Variants in SLC5A8 observed in about 807,000 individuals in gnomAD.
SLC5A8 encodes the protein sodium-coupled monocarboxylate transporter 1.
SLC5A8 carries 55 observed loss-of-function variants against 71.9 expected under a neutral mutation model. That is an observed-to-expected ratio of 0.77 (90% CI 0.62 to 0.96). The LOEUF is 0.96. Among genes scored for constraint, SLC5A8 ranks in the 40% least tolerant of loss-of-function variants. The probability of loss-of-function intolerance (pLI) is 0.00; values close to 1 mark genes in which losing one functional copy is unlikely to be tolerated. For synonymous variants in SLC5A8, 307 were observed against 276.1 expected (o/e 1.11, Z -1.11); for missense variants, 701 against 745.3 (o/e 0.94, Z 0.69).
intron 3 of SLC5A8, among the ~76,000 whole-genome samples, chr12:101,201,448 T>C (rs562994999): frequency 6.6e-6 from 1 of 152,286 alleles, no homozygotes; most frequent in South Asian, 2.1e-4. Flanking sequence ...CACATGTCCA[T>C]TTTACAAGGA....
chr12:101,165,135 T>G (rs1290517906), intron 12 of SLC5A8, among the ~76,000 whole-genome samples: 1 of 152,202 alleles, frequency 6.6e-6, no homozygotes, highest in Non-Finnish European at 1.5e-5. Flanking sequence ...CCATGGATAC[T>G]AAATAAATGG....
At chr12:101,161,939 G>T (rs1217845768) in intron 13 of SLC5A8, 35 bp downstream of exon 13, 2 of 1,426,354 alleles carry the variant, frequency 1.4e-6, no homozygotes, top group Non-Finnish European at 9.9e-7. Context: ...CTGATATAGA[G>T]GTAAATACAA....
At chr12:101,201,774 C>A (rs1869464265) in intron 3 of SLC5A8, among the ~76,000 whole-genome samples, 1 of 152,094 alleles carries the variant, frequency 6.6e-6, no homozygotes. Flanking sequence ...TTTCTCCCTG[C>A]CAGATTTTAC....
chr12:101,178,025 A>C (rs1414813358), intron 10 of SLC5A8, among the ~76,000 whole-genome samples: 1 of 152,186 alleles, frequency 6.6e-6, no homozygotes, highest in African/African-American at 2.4e-5. Flanking sequence ...AAGAAGCAAA[A>C]AATTATCAGA....
At chr12:101,167,532 T>C (rs1229350567) in intron 11 of SLC5A8, among the ~76,000 whole-genome samples, 1 of 152,222 alleles carries the variant, frequency 6.6e-6, no homozygotes, top group African/African-American at 2.4e-5. Context: ...CAAACAAAAG[T>C]TAGCACTTCT....
rs1869763291 is a variant in SLC5A8 at position 101,208,360 on chromosome 12, C to G, written c.351+1138G>C. ...TGTCCCCAGCACCAGTTGAACCAGC[C>G]TCACTAGGAAACCACCTGCCAGAAT... is the stretch of plus-strand genomic sequence containing the variant. On this transcript the variant is annotated intron_variant, in intron 1 of 14. Transcript: ENST00000536262. Among the ~76,000 whole-genome samples, 4 of 152,260 alleles carry G rather than the reference C, an allele frequency of 2.6e-5. 1 individual carries two copies. In the South Asian group the frequency reaches 8.3e-4, roughly 32 times the overall value.
intron 13 of SLC5A8, among the ~76,000 whole-genome samples, chr12:101,160,406 C>T (rs1367444922): frequency 3.3e-5 from 5 of 152,020 alleles, no homozygotes; most frequent in African/African-American, 1.2e-4. Flanking sequence ...TATCTCAGTG[C>T]CAAAAAACAG....
intron 7 of SLC5A8, 151 bp from the exon 8 acceptor site, chr12:101,184,373 A>C (rs1258074668): frequency 2.4e-5 from 16 of 658,144 alleles, no homozygotes; most frequent in Middle Eastern, 2.6e-4. Context: ...TAAACTGTTT[A>C]ACTACTAACA....
rs1869121219 is a variant in SLC5A8, at chr12:101,195,272, A to G, written c.470-110T>C. 5 of 1,133,146 alleles carry G rather than the reference A, an allele frequency of 4.4e-6. No individual in the cohort carries two copies. The South Asian group carries it at 6.9e-5, about 16-fold the overall frequency. The allele number at this position is 1,133,146 out of a possible 1,614,324, so 70.2% of individuals were successfully genotyped here. On this transcript the variant is annotated intron_variant, in intron 3 of 14. Transcript: ENST00000536262. ...TATCATTTATCAGGCACCTTCCTCTATACCCACTTGCCTAAAGCTAAAACT... is the reference window on the plus strand; with the variant it reads ...TATCATTTATCAGGCACCTTCCTCTGTACCCACTTGCCTAAAGCTAAAACT...
At chr12:101,194,635 TA>T (rs1237290353) in intron 4 of SLC5A8, among the ~76,000 whole-genome samples, 2 of 151,818 alleles carry the variant, frequency 1.3e-5, no homozygotes, top group Non-Finnish European at 2.9e-5. Flanking sequence ...CTCCTAATTT[TA>T]AAAAATTTTT....
intron 12 of SLC5A8, 33 bp downstream of exon 12, chr12:101,166,461 T>A (rs1347709565): frequency 1.3e-6 from 2 of 1,566,920 alleles, no homozygotes; most frequent in Non-Finnish European, 1.7e-6. Context: ...GTAAATTTTT[T>A]AAAGTATAAT....
intron 3 of SLC5A8, among the ~76,000 whole-genome samples, chr12:101,196,196 T>C (rs190374191): frequency 7.3e-4 from 111 of 152,252 alleles, no homozygotes; most frequent in African/African-American, 2.5e-3. Context: ...CACTGTGTGT[T>C]GTTCTCCTCT....
intron 10 of SLC5A8, among the ~76,000 whole-genome samples, chr12:101,169,250 GAA>G (rs2051804432): frequency 6.6e-6 from 1 of 152,212 alleles, no homozygotes; most frequent in East Asian, 1.9e-4. Context: ...ATTACAAGAG[GAA>G]ATAAGACCTT....
In SLC5A8 at chr12:101,209,887, G is replaced by T; in HGVS notation, c.-39C>A. The T allele has an allele frequency of 6.8e-7, 1 of 1,466,938 alleles. No individual in the cohort carries two copies. Among genetic ancestry groups the T allele is most frequent in the South Asian group, 1.4e-5 (1 of 71,668 alleles). The allele number at this position is 1,466,938 out of a possible 1,614,324, so 90.9% of individuals were successfully genotyped here. ...CCTGAGCCCTGCGCGCAAACTGGTG[G>T]CCCCGCGGCGCGCAGCCGGAGCCCG... On this transcript the variant is annotated 5_prime_UTR_variant, in exon 1 of 15. Coordinates refer to ENST00000536262, the MANE Select transcript of SLC5A8 (RefSeq NM_145913.5).
intron 4 of SLC5A8, 68 bp from the exon 5 acceptor site, chr12:101,193,847 CACTATACTGGAGAAAA>C: frequency 6.7e-7 from 1 of 1,493,992 alleles, no homozygotes; most frequent in African/African-American, 1.4e-5. Flanking sequence ...CACACTTATA[CACTATACTGGAGAAAA>C]ATGATATAAA....
chr12:101,168,366 C>T (rs1485694110), intron 10 of SLC5A8, among the ~76,000 whole-genome samples, 184 bp from the exon 11 acceptor site: 1 of 152,184 alleles, frequency 6.6e-6, no homozygotes, highest in Non-Finnish European at 1.5e-5. Flanking sequence ...GCATCTCAGT[C>T]TCAAGGATCC....
Position 101,209,652 on chromosome 12 carries a change from A to G in SLC5A8, c.197T>C (p.Met66Thr), listed in dbSNP as rs771390167. Residue 66 changes from methionine (M) to threonine (T), a missense_variant, in exon 1 of 15, where the codon ATG becomes ACG. Coordinates refer to ENST00000536262, the MANE Select transcript of SLC5A8 (RefSeq NM_145913.5). ...PVALSLTASF[M>T]SAVTVLGTPS... ...GGTGCCCAGGACAGTGACGGCTGAC[A>G]TGAAGCTAGCGGTGAGGGACAGCGC... The G allele has an allele frequency of 3.0e-5, 49 of 1,613,844 alleles. No individual in the cohort carries two copies. In the East Asian group the frequency reaches 1.0e-3, roughly 34 times the overall value.
At chr12:101,196,289 G>A (rs143088030) in intron 3 of SLC5A8, among the ~76,000 whole-genome samples, 35 of 152,268 alleles carry the variant, frequency 2.3e-4, no homozygotes, top group African/African-American at 8.4e-4. Flanking sequence ...GGATCTAGAT[G>A]GAGAAAAGTC....
intron 6 of SLC5A8, among the ~76,000 whole-genome samples, chr12:101,190,132 AT>A (rs1868832699): frequency 6.6e-6 from 1 of 152,048 alleles, no homozygotes; most frequent in Non-Finnish European, 1.5e-5. Flanking sequence ...GTATTATTTT[AT>A]TTTTTCACAT....
Sources: gnomAD v4.1 joint callset for allele counts (sites outside exome capture counted in the v4.1 genomes callset) on GRCh38, gnomAD v4.1.1 for gene constraint, MANE v1.5 for transcripts, NCBI Gene and HGNC (gene_info 2026-07-23, HGNC 2026-07-21) for gene names.